TRPS1: variants seen among roughly 807,000 people sequenced by gnomAD.
TRPS1 encodes transcriptional repressor GATA binding 1.
TRPS1 carries 6 observed loss-of-function variants against 101.2 expected under a neutral mutation model. The observed-to-expected ratio is 0.06, with a 90% CI of 0.03 to 0.12. TRPS1 has a LOEUF of 0.12. Ranked by LOEUF, TRPS1 falls within the 10% of genes least tolerant of loss-of-function variation. TRPS1 has a pLI of 1.00. For synonymous variants in TRPS1, 578 were observed against 589.8 expected (o/e 0.98, Z 0.29); for missense variants, 1,363 against 1,567.0 (o/e 0.87, Z 2.20).
intron 3 of TRPS1, among the ~76,000 whole-genome samples, chr8:115,613,488 C>T (rs759492899): frequency 2.6e-5 from 4 of 152,184 alleles, no homozygotes; most frequent in Non-Finnish European, 5.9e-5. Context: ...CCCTCTATTG[C>T]TTTGCTATTG....
chr8:115,419,719 G>A lies in TRPS1; in HGVS notation c.2701-1267C>T, dbSNP rs11779596. Among the ~76,000 whole-genome samples, 800 of 152,294 alleles carry A rather than the reference G, an allele frequency of 5.3e-3. 6 individuals are homozygous for A. The highest frequency in any genetic ancestry group is 9.4e-3 in the Non-Finnish European group (639 of 68,026). ...CTGGAACACTTTCTTGGCATTGAAA[G>A]GGCATTTGATTCATCGGGTGTTTCA... On this transcript the variant is annotated intron_variant, in intron 5 of 6. Transcript: ENST00000395715.
At chr8:115,422,266 G>A (rs1327613497) in intron 5 of TRPS1, among the ~76,000 whole-genome samples, 2 of 151,834 alleles carry the variant, frequency 1.3e-5, no homozygotes, top group Non-Finnish European at 2.9e-5. Flanking sequence ...CCTTTTAAAT[G>A]TCGTCCATTC....
intron 5 of TRPS1, among the ~76,000 whole-genome samples, chr8:115,533,436 G>GATTTTTTTTTT (rs1379245638): frequency 2.9e-5 from 1 of 34,986 alleles, no homozygotes; most frequent in Non-Finnish European, 5.3e-5. Context: ...CATGTAATCT[G>GATTTTTTTTTT]TTTTTTTTTT....
chr8:115,533,948 C>A (rs1290877241), intron 5 of TRPS1, among the ~76,000 whole-genome samples: 1 of 152,084 alleles, frequency 6.6e-6, no homozygotes, highest in Non-Finnish European at 1.5e-5. Context: ...ATCTTAAACC[C>A]TAATTACATC....
intron 5 of TRPS1, among the ~76,000 whole-genome samples, chr8:115,456,032 C>T (rs964872803): frequency 2.6e-5 from 4 of 152,076 alleles, no homozygotes; most frequent in African/African-American, 9.7e-5. Flanking sequence ...GATCCGCCCG[C>T]CTAGGCCTCC....
intron 5 of TRPS1, among the ~76,000 whole-genome samples, chr8:115,451,317 T>A (rs1267531196): frequency 6.6e-6 from 1 of 152,122 alleles, no homozygotes; most frequent in Non-Finnish European, 1.5e-5. Flanking sequence ...TCAACATTCA[T>A]TCTCTCTTTT....
chr8:115,414,920 C>T lies in TRPS1; in HGVS notation c.2988G>A (p.Arg996=), dbSNP rs202158991. 29 of 1,607,198 alleles carry T rather than the reference C, an allele frequency of 1.8e-5. 1 individual carries two copies. The Admixed American group carries it at 3.5e-4, about 20-fold the overall frequency. ...EQVNGSPLER[R]SEDHLTESHQ... ...GACTTTCAGTTAGATGATCTTCTGA[C>T]CTCCTCTCTAACGGGCTTCCATTGA... The change falls in exon 7 of 7, where the codon AGG becomes AGA. Residue 996 remains arginine, a synonymous_variant. Coordinates refer to ENST00000395715, the MANE Select transcript of TRPS1 (RefSeq NM_014112.5). This position sits in a 1 kb window ranked among gnomAD's most constrained non-coding sequence, Gnocchi z 4.8.
At chr8:115,505,048 A>G (rs868240103) in intron 5 of TRPS1, among the ~76,000 whole-genome samples, 47 of 152,196 alleles carry the variant, frequency 3.1e-4, no homozygotes, top group African/African-American at 9.9e-4. Context: ...TCAAACAAAC[A>G]CTCATATAAA....
At chr8:115,642,660 G>A (rs2721957) in intron 1 of TRPS1, among the ~76,000 whole-genome samples, 76,175 of 151,432 alleles carry the variant, frequency 0.5, 22,667 homozygotes, top group African/African-American at 0.83. Flanking sequence ...ATCAAAAAAT[G>A]ACTCCAAAGG....
Position 115,603,957 on chromosome 8 carries a change from T to C in TRPS1, c.2012A>G (p.Gln671Arg). 1 of 1,614,072 alleles carries C rather than the reference T, an allele frequency of 6.2e-7. No individual in the cohort carries two copies. Among genetic ancestry groups the C allele is most frequent in the Non-Finnish European group, 8.5e-7 (1 of 1,179,986 alleles). ...ANHLQGSDGQ[Q>R]SVKESKEHSC... Reference sequence around the variant, plus strand: ...GTGTTCTTTGCTTTCCTTGACAGACTGCTGCCCATCCGATCCTTGCAGGTG... The same window carrying C: ...GTGTTCTTTGCTTTCCTTGACAGACCGCTGCCCATCCGATCCTTGCAGGTG... The change falls in exon 4 of 7, where the codon CAG (glutamine) becomes CGG (arginine). Residue 671 changes from glutamine to arginine, a missense_variant. Physicochemically the swap from Gln to Arg is conservative, Grantham distance 43. Around this residue, in one of 5 missense-constraint regions of TRPS1, gnomAD observed 1,020 missense variants for 1,073.0 expected, o/e 0.95. Transcript: ENST00000395715.
At chr8:115,425,894 G>T (rs1301136243) in intron 5 of TRPS1, among the ~76,000 whole-genome samples, 1 of 152,102 alleles carries the variant, frequency 6.6e-6, no homozygotes, top group Non-Finnish European at 1.5e-5. Context: ...AATCAGAATT[G>T]GAAAAACCCA....
intron 4 of TRPS1, among the ~76,000 whole-genome samples, chr8:115,589,430 C>T (rs1817635117): frequency 6.6e-6 from 1 of 152,106 alleles, no homozygotes; most frequent in African/African-American, 2.4e-5. Flanking sequence ...AAACATGAAA[C>T]AAAATCTCAA....
At chr8:115,477,964 C>T (rs1158950019) in intron 5 of TRPS1, among the ~76,000 whole-genome samples, 1 of 152,166 alleles carries the variant, frequency 6.6e-6, no homozygotes, top group East Asian at 1.9e-4. Flanking sequence ...TCCTCCCTCC[C>T]TTTCTCTCTT....
At chr8:115,615,285 C>T (rs1042442202) in intron 3 of TRPS1, among the ~76,000 whole-genome samples, 1 of 152,108 alleles carries the variant, frequency 6.6e-6, no homozygotes, top group African/African-American at 2.4e-5. Context: ...AACACTTTCC[C>T]GTGGGAAGCA....
intron 1 of TRPS1, among the ~76,000 whole-genome samples, chr8:115,647,707 T>A (rs536733528): frequency 1.2e-3 from 188 of 152,290 alleles, no homozygotes; most frequent in African/African-American, 4.2e-3. Flanking sequence ...ACTTAAAGAC[T>A]AATAATATTT....
intron 5 of TRPS1, among the ~76,000 whole-genome samples, chr8:115,530,412 T>C (rs1316542511): frequency 8.6e-5 from 13 of 151,988 alleles, no homozygotes; most frequent in Admixed American, 8.5e-4. Context: ...AGGGATCTGG[T>C]ATAGAAAGAG....
At chr8:115,630,579 G>A (rs770370188) in intron 1 of TRPS1, among the ~76,000 whole-genome samples, 3 of 151,842 alleles carry the variant, frequency 2.0e-5, no homozygotes, top group Non-Finnish European at 4.4e-5. Context: ...GTTTTTTTAA[G>A]GCCTATGATC....
chr8:115,499,525 A>G (rs1363331097), intron 5 of TRPS1, among the ~76,000 whole-genome samples: 1 of 152,148 alleles, frequency 6.6e-6, no homozygotes, highest in East Asian at 1.9e-4. Context: ...AAGCTAATAA[A>G]GATTTTCAAA....
At chr8:115,416,723 A>G (rs1318883537) in intron 6 of TRPS1, among the ~76,000 whole-genome samples, 1 of 151,974 alleles carries the variant, frequency 6.6e-6, no homozygotes, top group Non-Finnish European at 1.5e-5. Context: ...TGTTGTTACA[A>G]ACATACTTCC....
Sources: gnomAD v4.1 joint callset for allele counts (sites outside exome capture counted in the v4.1 genomes callset) on GRCh38, gnomAD v4.1.1 for gene constraint, gnomAD v4.1.1 regional missense constraint, Gnocchi (gnomAD v3.1) non-coding constraint, MANE v1.5 for transcripts, NCBI Gene and HGNC (gene_info 2026-07-23, HGNC 2026-07-21) for gene names.